The following SGCD variants were observed in gnomAD, a reference collection of about 807,000 sequenced individuals.
SGCD encodes the protein sarcoglycan delta.
In SGCD, 18 loss-of-function variants were observed where a neutral mutation model predicts 36.6. The ratio of observed to expected loss-of-function variants is 0.49; its 90% CI spans 0.34 to 0.73. SGCD has a LOEUF of 0.73. Among genes scored for constraint, SGCD ranks in the 30% least tolerant of loss-of-function variants. The pLI, the probability that SGCD is intolerant of heterozygous loss-of-function variation, is 0.01. For missense variants in SGCD, 387 were observed against 346.7 expected, an observed-to-expected ratio of 1.12 and a Z score of -0.92; for synonymous variants, 133 against 130.6, an observed-to-expected ratio of 1.02 and a Z score of -0.12.
intron 1 of SGCD, among the ~76,000 whole-genome samples, chr5:156,094,551 C>G (rs906083558): frequency 3.9e-5 from 6 of 152,138 alleles, no homozygotes; most frequent in Non-Finnish European, 8.8e-5. Flanking sequence ...TGGGTACTTT[C>G]TTTCAGAAGC....
At chr5:155,842,328 C>T in the SGCD span, among the ~76,000 whole-genome samples, 1 of 150,590 alleles carries the variant, frequency 6.6e-6, no homozygotes, top group Non-Finnish European at 1.5e-5. Flanking sequence ...TAATCCCAGC[C>T]CTTTGGGAGA....
chr5:156,390,043 T>C (rs777316030), intron 3 of SGCD, among the ~76,000 whole-genome samples: 67 of 152,222 alleles, frequency 4.4e-4, no homozygotes, highest in Admixed American at 2.0e-3. Context: ...TACTCATGTG[T>C]TTGCAGTGAT....
At chr5:155,842,874 G>T in the SGCD span, among the ~76,000 whole-genome samples, 12 of 151,996 alleles carry the variant, frequency 7.9e-5, no homozygotes, top group Admixed American at 7.2e-4. Context: ...TTAATATCAG[G>T]GCATCATCTC....
At chr5:156,231,027 A>G (rs955834111) in intron 3 of SGCD, among the ~76,000 whole-genome samples, 1 of 152,190 alleles carries the variant, frequency 6.6e-6, no homozygotes, top group Non-Finnish European at 1.5e-5. Flanking sequence ...GGGTTGTTTC[A>G]AAAGGGAAGG....
At chr5:156,003,025 G>A (rs1168649433) in intron 1 of SGCD, among the ~76,000 whole-genome samples, 6 of 152,194 alleles carry the variant, frequency 3.9e-5, no homozygotes, top group Admixed American at 3.3e-4. Flanking sequence ...AGGAATCTCT[G>A]CATAGGGGTC....
intron 1 of SGCD, among the ~76,000 whole-genome samples, chr5:156,026,783 C>CT (rs1759234515): frequency 6.6e-6 from 1 of 152,044 alleles, no homozygotes; most frequent in Non-Finnish European, 1.5e-5. Context: ...GAATATGGGT[C>CT]TTTGGGAAAA....
At chr5:155,817,543 A>G in the SGCD span, among the ~76,000 whole-genome samples, 81 of 152,042 alleles carry the variant, frequency 5.3e-4, no homozygotes, top group African/African-American at 1.9e-3. Context: ...TAGTTTGCTT[A>G]TTTTTTGTAT....
At position 156,763,003 on chromosome 5, in the gene SGCD, T is replaced by C. The variant is rs949206625; in HGVS notation, c.*3613T>C. On this transcript the variant is annotated 3_prime_UTR_variant, in exon 9 of 9. Coordinates refer to ENST00000337851, the MANE Select transcript of SGCD (RefSeq NM_000337.6). ...TGCCTTCCAAGACATGTGGAAGTAATTGATCCACCTGCCAGAGAAACACAG... is the reference window on the plus strand; with the variant it reads ...TGCCTTCCAAGACATGTGGAAGTAACTGATCCACCTGCCAGAGAAACACAG... The C allele has an allele frequency of 3.3e-5, 5 of 152,404 alleles. No individual in the cohort carries two copies. The highest frequency in any genetic ancestry group is 1.2e-4 in the African/African-American group (5 of 41,428). 9.4% of individuals were successfully genotyped at this position (152,404 alleles called of 1,614,324 possible).
In SGCD at chr5:156,267,960, T is replaced by A. The variant is rs1046081840; in HGVS notation, c.-43-61574T>A. On this transcript the variant is annotated intron_variant, in intron 3 of 9. Transcript: ENST00000517913. ...GGTATAAAGCTTAGTACCCAATAGT[T>A]ATTTTTTCCATTCTTCTCCCTCCCT... 8.5e-5 allele frequency among the ~76,000 whole-genome samples: 13 copies of A among 152,280 alleles called. No homozygotes were observed. In the South Asian group the frequency reaches 1.9e-3, roughly 22 times the overall value.
At chr5:155,956,683 C>T (rs1757658221) in intron 1 of SGCD, among the ~76,000 whole-genome samples, 1 of 152,052 alleles carries the variant, frequency 6.6e-6, no homozygotes, top group Non-Finnish European at 1.5e-5. Flanking sequence ...GCTCTTTCAG[C>T]TTGTGGTGGC....
chr5:156,542,658 A>G (rs1472710292), intron 4 of SGCD, among the ~76,000 whole-genome samples: 1 of 152,224 alleles, frequency 6.6e-6, no homozygotes, highest in Non-Finnish European at 1.5e-5. Context: ...AGTGAACCTC[A>G]GAGACATGGA....
At chr5:155,792,433 C>CAAAAAAAAAAAAAAAAAA in the SGCD span, among the ~76,000 whole-genome samples, 4 of 92,324 alleles carry the variant, frequency 4.3e-5, no homozygotes, top group Admixed American at 1.3e-4. Flanking sequence ...TTCTACATAG[C>CAAAAAAAAAAAAAAAAAA]AAAAAAAAAA....
At chr5:156,250,694 G>A (rs1488262179) in intron 3 of SGCD, among the ~76,000 whole-genome samples, 1 of 152,200 alleles carries the variant, frequency 6.6e-6, no homozygotes, top group Non-Finnish European at 1.5e-5. Flanking sequence ...GGAAGACTCT[G>A]TTAGGGTGTT....
chr5:156,439,327 G>T (rs138408267), intron 3 of SGCD, among the ~76,000 whole-genome samples: 1 of 152,086 alleles, frequency 6.6e-6, no homozygotes, highest in Non-Finnish European at 1.5e-5. Context: ...GTGACATTGT[G>T]CTTCAGGACG....
At chr5:156,606,641 A>G (rs1429241555) in intron 6 of SGCD, among the ~76,000 whole-genome samples, 1 of 152,190 alleles carries the variant, frequency 6.6e-6, no homozygotes, top group African/African-American at 2.4e-5. Flanking sequence ...CTTGGACAGT[A>G]TGGCCATTTC....
At chr5:156,385,788 T>A (rs1000676295) in intron 3 of SGCD, among the ~76,000 whole-genome samples, 1 of 152,190 alleles carries the variant, frequency 6.6e-6, no homozygotes, top group African/African-American at 2.4e-5. Context: ...TGGATTTAGA[T>A]GCATTGTTAA....
chr5:156,162,468 G>C (rs192604389), intron 3 of SGCD, among the ~76,000 whole-genome samples: 2 of 151,634 alleles, frequency 1.3e-5, no homozygotes, highest in East Asian at 1.9e-4. Context: ...GCTCTCCATT[G>C]AGCAAGTGGT....
rs1267225356 is a variant in SGCD, at chr5:156,764,064, A to G, written c.*4674A>G. On this transcript the variant is annotated 3_prime_UTR_variant, in exon 9 of 9. Coordinates refer to ENST00000337851, the MANE Select transcript of SGCD (RefSeq NM_000337.6). ...CTCCCTCTTCCCCCTGTCCCAAGAA[A>G]TCTTAGGCATGAAAAGGATAAGGAA... 1 of 152,200 alleles carries G rather than the reference A, an allele frequency of 6.6e-6. No homozygotes were observed. The highest frequency in any genetic ancestry group is 6.5e-5 in the Admixed American group (1 of 15,272). 9.4% of individuals were successfully genotyped at this position (152,200 alleles called of 1,614,324 possible). A position where few individuals can be genotyped will look rare whatever the true frequency, so the allele number is the denominator to read the frequency against.
At chr5:156,229,819 A>T (rs982770389) in intron 3 of SGCD, among the ~76,000 whole-genome samples, 2 of 152,088 alleles carry the variant, frequency 1.3e-5, no homozygotes, top group African/African-American at 4.8e-5. Context: ...TGGTCGTTTA[A>T]CATAATCTCA....
Sources: allele counts gnomAD v4.1 joint callset (sites outside exome capture counted in the v4.1 genomes callset), GRCh38; gene constraint gnomAD v4.1.1; transcripts MANE v1.5; gene names NCBI Gene and HGNC (gene_info 2026-07-23, HGNC 2026-07-21).